The following PDPR variants were observed in gnomAD, a reference collection of about 807,000 sequenced individuals.
PDPR encodes pyruvate dehydrogenase phosphatase regulatory subunit, also known as pyruvate dehydrogenase phosphatase regulatory subunit, mitochondrial.
A neutral mutation model predicts 102.2 loss-of-function variants in PDPR; 50 were observed. The observed-to-expected ratio is 0.49, with a 90% CI of 0.39 to 0.62. The LOEUF is 0.62. Among genes scored for constraint, PDPR ranks in the 20% least tolerant of loss-of-function variants. The pLI is 0.00. For synonymous variants in PDPR, 259 were observed against 406.0 expected (o/e 0.64, Z 4.35); for missense variants, 625 against 1,098.2 (o/e 0.57, Z 6.09).
intron 2 of PDPR, among the ~76,000 whole-genome samples, chr16:70,117,595 A>G (rs1285110431): frequency 4.6e-5 from 7 of 152,138 alleles, no homozygotes; most frequent in Non-Finnish European, 8.8e-5. Context: ...GGCAGGAACC[A>G]TGCCAGGAGG....
chr16:70,152,064 GGGA>G (rs1966778665), intron 17 of PDPR, among the ~76,000 whole-genome samples: 1 of 152,268 alleles, frequency 6.6e-6, no homozygotes, highest in Non-Finnish European at 1.5e-5. Context: ...AGCTTGAGGT[GGGA>G]GAGTACCACA....
intron 11 of PDPR, among the ~76,000 whole-genome samples, chr16:70,141,748 CTT>C (rs935551736): frequency 6.6e-6 from 1 of 152,260 alleles, no homozygotes; most frequent in African/African-American, 2.4e-5. Context: ...GCAGGATTGT[CTT>C]TTCCTTCTGG....
In PDPR at chr16:70,125,384, A is replaced by T. The variant is rs1356189479; in HGVS notation, c.228-1876A>T. Among the ~76,000 whole-genome samples the T allele has an allele frequency of 4.6e-5, 6 of 130,222 alleles. No individual in the cohort carries two copies. The Admixed American group carries it at 4.7e-4, about 10-fold the overall frequency. 85.4% of individuals were successfully genotyped at this position (130,222 alleles called of 152,430 possible). A position where few individuals can be genotyped will look rare whatever the true frequency, so the allele number is the denominator to read the frequency against. Reference sequence around the variant, plus strand: ...AGCAAAACTCCGTCTCTAAAAAAACAAACAAACAAAAAAACAAAAATTAGC... The same window carrying T: ...AGCAAAACTCCGTCTCTAAAAAAACTAACAAACAAAAAAACAAAAATTAGC... On this transcript the variant is annotated intron_variant, in intron 3 of 18. Transcript: ENST00000288050.
intron 7 of PDPR, 98 bp downstream of exon 7, chr16:70,130,642 A>G (rs1964449575): frequency 2.0e-6 from 3 of 1,474,836 alleles, no homozygotes; most frequent in East Asian, 2.3e-5. Flanking sequence ...GGTTATACAG[A>G]TATCAGTAAC....
chr16:70,117,513 A>G (rs1962768287), intron 2 of PDPR, among the ~76,000 whole-genome samples: 2 of 151,646 alleles, frequency 1.3e-5, no homozygotes, highest in Admixed American at 6.6e-5. Flanking sequence ...GCGAGACTCC[A>G]TCTCAAAAAA....
chr16:70,134,307 C>T (rs775356677), intron 9 of PDPR, among the ~76,000 whole-genome samples: 2 of 152,036 alleles, frequency 1.3e-5, no homozygotes, highest in African/African-American at 2.4e-5. Context: ...CTCACTGCAT[C>T]CTCCGCCTCC....
chr16:70,119,820 T>C (rs1963030830), intron 2 of PDPR, among the ~76,000 whole-genome samples: 1 of 150,806 alleles, frequency 6.6e-6, no homozygotes, highest in Non-Finnish European at 1.5e-5. Flanking sequence ...GTAAATTTCA[T>C]AAAGACAGGG....
At chr16:70,153,740 A>G (rs1966858643) in intron 18 of PDPR, among the ~76,000 whole-genome samples, 167 bp downstream of exon 18, 1 of 152,294 alleles carries the variant, frequency 6.6e-6, no homozygotes, top group Admixed American at 6.5e-5. Context: ...AAAACTTTAT[A>G]GGATAAAATA....
chr16:70,153,954 C>T (rs547650942), intron 18 of PDPR, among the ~76,000 whole-genome samples: 11 of 152,170 alleles, frequency 7.2e-5, no homozygotes, highest in South Asian at 2.1e-4. Flanking sequence ...CCAAGGCGGG[C>T]GGATCACAAG....
At chr16:70,139,528 C>T (rs1252912718) in intron 11 of PDPR, among the ~76,000 whole-genome samples, 4 of 152,244 alleles carry the variant, frequency 2.6e-5, no homozygotes, top group Non-Finnish European at 5.9e-5. Context: ...CATTAATCCA[C>T]CCTACAGCAG....
chr16:70,125,087 G>GTAA (rs1284376697), intron 3 of PDPR, among the ~76,000 whole-genome samples: 1 of 152,136 alleles, frequency 6.6e-6, no homozygotes, highest in African/African-American at 2.4e-5. Flanking sequence ...TTGAAAATAT[G>GTAA]TAAAAGAAGC....
intron 18 of PDPR, among the ~76,000 whole-genome samples, chr16:70,154,331 A>G (rs1324003877): frequency 6.6e-6 from 1 of 152,254 alleles, no homozygotes; most frequent in Non-Finnish European, 1.5e-5. Context: ...CCGTCTCAGA[A>G]AAAAGAAAAC....
intron 3 of PDPR, among the ~76,000 whole-genome samples, chr16:70,122,437 AT>A (rs1963417125): frequency 6.6e-6 from 1 of 152,280 alleles, no homozygotes; most frequent in African/African-American, 2.4e-5. Context: ...CAGGTCATAC[AT>A]TTTTGGCAGT....
At chr16:70,153,319 A>G (rs1238531005) in intron 17 of PDPR, 72 bp from the exon 18 acceptor site, 2 of 1,454,130 alleles carry the variant, frequency 1.4e-6, no homozygotes, top group Non-Finnish European at 1.9e-6. Context: ...GTGAGCCATC[A>G]GCGCTTCCAG....
intron 6 of PDPR, among the ~76,000 whole-genome samples, chr16:70,130,212 G>A (rs62050964): frequency 0.23 from 33,603 of 143,866 alleles, 1,150 homozygotes; most frequent in Non-Finnish European, 0.31. Context: ...AGAATTGCTT[G>A]AACCCAGGAG....
chr16:70,144,767 C>G (rs1302373674), intron 15 of PDPR, among the ~76,000 whole-genome samples: 1 of 152,230 alleles, frequency 6.6e-6, no homozygotes, highest in Non-Finnish European at 1.5e-5. Flanking sequence ...CCAACCTGGA[C>G]TATATGGTGA....
intron 17 of PDPR, among the ~76,000 whole-genome samples, chr16:70,152,764 T>C (rs1445787921): frequency 1.3e-5 from 2 of 152,290 alleles, no homozygotes; most frequent in Non-Finnish European, 2.9e-5. Context: ...GATTGAATAT[T>C]TGCTTTCAGT....
At chr16:70,153,159 G>A (rs1014001981) in intron 17 of PDPR, among the ~76,000 whole-genome samples, 6 of 152,284 alleles carry the variant, frequency 3.9e-5, no homozygotes, top group Admixed American at 3.9e-4. Context: ...ACATTTTAGA[G>A]AGGTGAAAAG....
chr16:70,126,145 T>A (rs6499296), intron 3 of PDPR, among the ~76,000 whole-genome samples: 7,097 of 150,902 alleles, frequency 0.047, 172 homozygotes, highest in African/African-American at 0.17. Flanking sequence ...TGTTCCATTT[T>A]GGTACATAAA....
Sources: gnomAD v4.1 joint callset for allele counts (sites outside exome capture counted in the v4.1 genomes callset) on GRCh38, gnomAD v4.1.1 for gene constraint, MANE v1.5 for transcripts, NCBI Gene and HGNC (gene_info 2026-07-23, HGNC 2026-07-21) for gene names.